The following KAZN variants were observed in gnomAD, a reference collection of about 807,000 sequenced individuals.
KAZN encodes kazrin, periplakin interacting protein.
Under a neutral mutation model 87.4 loss-of-function variants are expected in KAZN, and 40 were observed. The observed-to-expected ratio is 0.46, with a 90% CI of 0.36 to 0.60. The LOEUF (loss-of-function observed/expected upper bound fraction) is 0.60, where lower values mean the gene tolerates loss of function less well. KAZN is among the 20% of genes least tolerant of loss of function. The pLI, the probability that KAZN is intolerant of heterozygous loss-of-function variation, is 0.00. For missense variants in KAZN, 898 were observed against 1,073.9 expected (o/e 0.84, Z 2.29); for synonymous variants, 466 against 458.3 (o/e 1.02, Z -0.22).
At chr1:14,586,375 A>C (rs761349023) in intron 2 of KAZN, among the ~76,000 whole-genome samples, 7 of 152,188 alleles carry the variant, frequency 4.6e-5, no homozygotes, top group Non-Finnish European at 8.8e-5. Context: ...TCCTGGGCTC[A>C]CTTAAACAAA....
chr1:14,340,888 C>CTTTTTTTTTTTTTTT lies in KAZN; in HGVS notation c.249+160299_249+160313dup, dbSNP rs3085672. Among the ~76,000 whole-genome samples the CTTTTTTTTTTTTTTT allele has an allele frequency of 6.8e-4, 70 of 103,144 alleles. 2 individuals are homozygous for CTTTTTTTTTTTTTTT. The highest frequency in any genetic ancestry group is 1.4e-3 in the African/African-American group (35 of 24,752). 67.7% of individuals were successfully genotyped at this position (103,144 alleles called of 152,430 possible). ...ATCTCCGTAAGGGTCATGATTTTCCCTTTTTTTTTTTTTTTTTGAGATGGA... is the reference window on the plus strand; with the variant it reads ...ATCTCCGTAAGGGTCATGATTTTCCCTTTTTTTTTTTTTTTTTTTTTTTTTTTTTTTTGAGATGGA... On this transcript the variant is annotated intron_variant, in intron 2 of 16. Transcript: ENST00000636203.
Position 14,519,908 on chromosome 1 carries a change from G to A in KAZN, c.250-79075G>A, listed in dbSNP as rs147246135. On this transcript the variant is annotated intron_variant, in intron 2 of 16. Transcript: ENST00000636203. ...CAAGCATGAAGTCAGAACATAGAGTGTCCTCAGGCACCCAGAGGGCCCCAT... is the reference window on the plus strand; with the variant it reads ...CAAGCATGAAGTCAGAACATAGAGTATCCTCAGGCACCCAGAGGGCCCCAT... 1.7e-3 allele frequency among the ~76,000 whole-genome samples: 265 copies of A among 152,212 alleles called. 2 individuals carry two copies. The highest frequency in any genetic ancestry group is 6.0e-3 in the African/African-American group (251 of 41,550).
rs1557767082 is a variant in KAZN at position 14,510,387 on chromosome 1, A to AAC, written c.250-88595_250-88594insCA. ...GAGCAAAACTCCATCTCAAAAAAAA[A>AAC]AAACAAACAGGATGTTCAGTGCAAC... On this transcript the variant is annotated intron_variant, in intron 2 of 16. Coordinates refer to the KAZN transcript ENST00000636203. Among the ~76,000 whole-genome samples the AAC allele has an allele frequency of 4.6e-5, 7 of 151,958 alleles. No homozygotes were observed. In the South Asian group the frequency reaches 1.0e-3, roughly 23 times the overall value.
intron 1 of KAZN, among the ~76,000 whole-genome samples, chr1:14,618,860 A>C (rs929332283): frequency 2.0e-5 from 3 of 152,244 alleles, no homozygotes; most frequent in African/African-American, 7.2e-5. Flanking sequence ...AGGAAAGGTG[A>C]GGGGTTCCCT....
chr1:14,867,913 G>A (rs1452899497), intron 1 of KAZN, among the ~76,000 whole-genome samples: 3 of 68,130 alleles, frequency 4.4e-5, no homozygotes, highest in Non-Finnish European at 8.0e-5. Context: ...CCTGGCTACA[G>A]GGAGGACAGC....
chr1:14,275,991 G>C (rs1652315215), intron 2 of KAZN, among the ~76,000 whole-genome samples: 1 of 152,080 alleles, frequency 6.6e-6, no homozygotes. Flanking sequence ...CTGCTTTGTG[G>C]CTGAGTTTCT....
At chr1:14,169,084 G>A (rs1038497854) in intron 1 of KAZN, among the ~76,000 whole-genome samples, 22 of 152,276 alleles carry the variant, frequency 1.4e-4, no homozygotes, top group Admixed American at 1.1e-3. Flanking sequence ...TCAGCTGTGG[G>A]ACTCGTATTA....
chr1:14,106,280 A>G (rs1263898173), intron 1 of KAZN, among the ~76,000 whole-genome samples: 1 of 152,194 alleles, frequency 6.6e-6, no homozygotes, highest in Non-Finnish European at 1.5e-5. Flanking sequence ...AAACAAAGGG[A>G]TGTTGTCTCC....
Position 14,433,645 on chromosome 1 carries a change from G to T in KAZN, c.250-165338G>T, listed in dbSNP as rs1187751250. On this transcript the variant is annotated intron_variant, in intron 2 of 16. Coordinates refer to the KAZN transcript ENST00000636203. ...GGCCAAGGCAGGTGGATCACCAGAG[G>T]TCAGGAGTTCAAGAGCAGCCTGACC... Among the ~76,000 whole-genome samples, 3 of 152,286 alleles carry T rather than the reference G, an allele frequency of 2.0e-5. No homozygotes were observed. The East Asian group carries it at 5.8e-4, about 29-fold the overall frequency.
chr1:14,191,549 T>A (rs112705165), intron 2 of KAZN, among the ~76,000 whole-genome samples: 6 of 152,232 alleles, frequency 3.9e-5, no homozygotes, highest in African/African-American at 1.4e-4. Flanking sequence ...GTCTTCAGCC[T>A]GAGAGAGAGT....
In KAZN at chr1:15,103,421, C is replaced by T. The variant is rs1237001098; in HGVS notation, c.1842C>T (p.Asn614=). The change falls in exon 12 of 15, where the codon AAC becomes AAT. Residue 614 remains asparagine, a synonymous_variant. Transcript: ENST00000376030. ...ACATTGACCCCGTGGTGTGGACCAACCAGCGGGTGCTCAAGTGGGTTCGAG... is the reference window on the plus strand; with the variant it reads ...ACATTGACCCCGTGGTGTGGACCAATCAGCGGGTGCTCAAGTGGGTTCGAG... The part of the protein sequence containing the change: ...TQNIDPVVWT[N]QRVLKWVRDI... 6.4e-6 allele frequency: 10 copies of T among 1,552,010 alleles called. No individual in the cohort carries two copies. In the East Asian group the frequency reaches 2.2e-4, roughly 34 times the overall value.
chr1:15,084,683 G>T lies in KAZN; in HGVS notation c.1223-9497G>T, dbSNP rs12073330. 8.4e-3 allele frequency among the ~76,000 whole-genome samples: 1,282 copies of T among 152,250 alleles called. 29 individuals are homozygous for T. The highest frequency in any genetic ancestry group is 0.029 in the African/African-American group (1,201 of 41,538). On this transcript the variant is annotated intron_variant, in intron 8 of 14. Transcript: ENST00000376030. ...CATTCAACCAGAGTCTCTCAAAGGGGCATGAAGTGGCCCCTGGACCCAGGT... is the reference window on the plus strand; with the variant it reads ...CATTCAACCAGAGTCTCTCAAAGGGTCATGAAGTGGCCCCTGGACCCAGGT...
rs932254857 is a variant in KAZN, at chr1:14,461,631, T to G, written c.250-137352T>G. Among the ~76,000 whole-genome samples, 7 of 152,168 alleles carry G rather than the reference T, an allele frequency of 4.6e-5. 1 individual carries two copies. The highest frequency in any genetic ancestry group is 4.4e-5 in the Non-Finnish European group (3 of 68,034). ...AATTAGAATTTAAGTGCAATTAGTTTATTTGCTTCCCTCTTCTGAACTGAG... is the reference window on the plus strand; with the variant it reads ...AATTAGAATTTAAGTGCAATTAGTTGATTTGCTTCCCTCTTCTGAACTGAG... On this transcript the variant is annotated intron_variant, in intron 2 of 16. Transcript: ENST00000636203.
chr1:14,635,851 C>T (rs901429751), intron 1 of KAZN, among the ~76,000 whole-genome samples: 1 of 152,206 alleles, frequency 6.6e-6, no homozygotes, highest in African/African-American at 2.4e-5. Context: ...CTCTACCCAG[C>T]ATGCCAGTGG....
In KAZN at chr1:13,995,219, C is replaced by CAAAAAAAAAAAA. The variant is rs113600200; in HGVS notation, c.91+101468_91+101479dup. On this transcript the variant is annotated intron_variant, in intron 1 of 16. Transcript: ENST00000636203. ...GGAAGTCTTAGACAGTGCAATAAGGCAAAAAAAAAAAAAAAATCCTAATGA... is the reference window on the plus strand; with the variant it reads ...GGAAGTCTTAGACAGTGCAATAAGGCAAAAAAAAAAAAAAAAAAAAAAAAAAAATCCTAATGA... 2.2e-3 allele frequency among the ~76,000 whole-genome samples: 238 copies of CAAAAAAAAAAAA among 107,310 alleles called. 1 individual carries two copies. The highest frequency in any genetic ancestry group is 0.012 in the Middle Eastern group (2 of 166). The allele number at this position is 107,310 out of a possible 152,430, so 70.4% of individuals were successfully genotyped here.
chr1:13,919,235 G>A lies in KAZN; in HGVS notation c.91+25479G>A, dbSNP rs561680510. On this transcript the variant is annotated intron_variant, in intron 1 of 16. Transcript: ENST00000636203. ...ATCTCCTCCACCTTCTCCCAAGCAC[G>A]ACCTCTGTCCTGACTTCTTCCAATA... Among the ~76,000 whole-genome samples, 8 of 152,226 alleles carry A rather than the reference G, an allele frequency of 5.3e-5. No homozygotes were observed. In the East Asian group the frequency reaches 1.2e-3, roughly 22 times the overall value.
chr1:15,010,538 C>T (rs1669476680), intron 2 of KAZN, among the ~76,000 whole-genome samples: 1 of 152,056 alleles, frequency 6.6e-6, no homozygotes, highest in Admixed American at 6.5e-5. Flanking sequence ...CTACAGGCGC[C>T]CGCCACCATG....
intron 1 of KAZN, among the ~76,000 whole-genome samples, chr1:13,934,647 T>C (rs936243215): frequency 6.6e-6 from 1 of 152,212 alleles, no homozygotes; most frequent in African/African-American, 2.4e-5. Flanking sequence ...TTTTGTTTGC[T>C]GTTTCTCTCT....
chr1:14,075,178 G>C (rs901971592), intron 1 of KAZN, among the ~76,000 whole-genome samples: 1 of 152,152 alleles, frequency 6.6e-6, no homozygotes, highest in Non-Finnish European at 1.5e-5. Flanking sequence ...GGTCTTTTTA[G>C]TGTAACATTT....
Sources: allele counts gnomAD v4.1 joint callset (sites outside exome capture counted in the v4.1 genomes callset), GRCh38; gene constraint gnomAD v4.1.1; transcripts MANE v1.5; gene names NCBI Gene and HGNC (gene_info 2026-07-23, HGNC 2026-07-21).